Variants in MRPL48 observed in about 807,000 individuals in gnomAD.
The protein encoded by MRPL48 is large ribosomal subunit protein mL48.
In MRPL48, 16 loss-of-function variants were observed where a neutral mutation model predicts 32.9. The ratio of observed to expected loss-of-function variants is 0.49; its 90% CI spans 0.33 to 0.74. The LOEUF is 0.74. Among genes scored for constraint, MRPL48 ranks in the 30% least tolerant of loss-of-function variants. MRPL48 has a pLI of 0.02. For synonymous variants in MRPL48, 94 were observed against 89.2 expected, an observed-to-expected ratio of 1.05 and a Z score of -0.31; for missense variants, 206 against 245.3, an observed-to-expected ratio of 0.84 and a Z score of 1.07.
chr11:73,825,772 C>T lies in MRPL48; in HGVS notation c.177C>T (p.Tyr59=), dbSNP rs868563513. Residue 59 remains tyrosine (Y), a synonymous_variant, in exon 4 of 8, where the codon TAC becomes TAT. Transcript: ENST00000310614. ...AGCCCACCCACGGCATTGGAAAGTA[C>T]AAGCACTTAATTAAAGCAGAAGAGG... is the stretch of plus-strand genomic sequence containing the variant. ...KTKPTHGIGK[Y]KHLIKAEEPK... 2 of 1,567,108 alleles carry T rather than the reference C, an allele frequency of 1.3e-6. No homozygotes were observed. The highest frequency in any genetic ancestry group is 1.9e-5 in the Admixed American group (1 of 52,596).
chr11:73,835,875 G>A (rs1590980235), intron 4 of MRPL48, among the ~76,000 whole-genome samples: 1 of 152,116 alleles, frequency 6.6e-6, no homozygotes, highest in African/African-American at 2.4e-5. Flanking sequence ...CCTAGCCTGA[G>A]TGACAGAGTG....
chr11:73,790,259 C>T (rs1488456162), intron 1 of MRPL48, among the ~76,000 whole-genome samples: 2 of 149,824 alleles, frequency 1.3e-5, no homozygotes, highest in Admixed American at 6.7e-5. Flanking sequence ...TTAATAGAGA[C>T]GGGGTTTCAC....
chr11:73,790,701 AT>A (rs1258929416), intron 1 of MRPL48, among the ~76,000 whole-genome samples: 1 of 150,214 alleles, frequency 6.7e-6, no homozygotes, highest in Admixed American at 6.7e-5. Context: ...TAATTTTTTT[AT>A]TTTTAGTAGA....
At chr11:73,863,621 G>A (rs1948621484) in intron 7 of MRPL48, among the ~76,000 whole-genome samples, 1 of 152,204 alleles carries the variant, frequency 6.6e-6, no homozygotes, top group African/African-American at 2.4e-5. Flanking sequence ...ATATATGTTA[G>A]AGAAAAGGTT....
At chr11:73,853,538 C>T (rs1054356918) in intron 5 of MRPL48, among the ~76,000 whole-genome samples, 6 of 152,112 alleles carry the variant, frequency 3.9e-5, no homozygotes, top group Non-Finnish European at 5.9e-5. Flanking sequence ...TTTTCTGTTT[C>T]TTTGAGCTCT....
chr11:73,803,131 A>G (rs1472498758), intron 1 of MRPL48, among the ~76,000 whole-genome samples: 1 of 151,950 alleles, frequency 6.6e-6, no homozygotes, highest in African/African-American at 2.4e-5. Context: ...AGTGTGATTT[A>G]TTTATTTATT....
chr11:73,821,145 C>A (rs1054234828), intron 3 of MRPL48, among the ~76,000 whole-genome samples: 7 of 152,130 alleles, frequency 4.6e-5, no homozygotes, highest in Non-Finnish European at 8.8e-5. Flanking sequence ...GCACATGCCA[C>A]CATGCCCAGC....
Position 73,845,553 on chromosome 11 carries a change from A to G in MRPL48, c.371+577A>G, listed in dbSNP as rs140663320. Reference sequence around the variant, plus strand: ...TTTGGGAGGCTAAGGTGGGAGGATCACTTGATCCCAGGAGTTTGAGACCTG... The same window carrying G: ...TTTGGGAGGCTAAGGTGGGAGGATCGCTTGATCCCAGGAGTTTGAGACCTG... On this transcript the variant is annotated intron_variant, in intron 5 of 7. Coordinates refer to ENST00000310614, the MANE Select transcript of MRPL48 (RefSeq NM_016055.6). 5.4e-3 allele frequency among the ~76,000 whole-genome samples: 819 copies of G among 152,270 alleles called. 8 individuals are homozygous for G. The highest frequency in any genetic ancestry group is 0.018 in the African/African-American group (742 of 41,560).
chr11:73,853,248 G>C (rs1335879774), intron 5 of MRPL48, among the ~76,000 whole-genome samples: 1 of 152,062 alleles, frequency 6.6e-6, no homozygotes, highest in African/African-American at 2.4e-5. Flanking sequence ...GAGTATAGTT[G>C]GATTGTTTGT....
chr11:73,848,375 A>C (rs1159885928), intron 5 of MRPL48, among the ~76,000 whole-genome samples: 1 of 151,752 alleles, frequency 6.6e-6, no homozygotes, highest in Non-Finnish European at 1.5e-5. Context: ...TTGATTACCA[A>C]CTCTAACTTT....
intron 5 of MRPL48, among the ~76,000 whole-genome samples, chr11:73,856,625 C>T (rs1015316437): frequency 1.3e-5 from 2 of 152,202 alleles, no homozygotes; most frequent in Non-Finnish European, 2.9e-5. Context: ...CTCAGCATCA[C>T]TCACTATGAG....
intron 1 of MRPL48, among the ~76,000 whole-genome samples, chr11:73,793,991 G>A (rs7924705): frequency 0.14 from 21,490 of 150,964 alleles, 1,594 homozygotes; most frequent in African/African-American, 0.16. Context: ...ACAGACGTGA[G>A]CCACCACGCC....
intron 1 of MRPL48, among the ~76,000 whole-genome samples, chr11:73,802,724 G>C (rs1947381543): frequency 6.6e-6 from 1 of 150,582 alleles, no homozygotes; most frequent in East Asian, 1.9e-4. Context: ...CTTGAGACAG[G>C]GTCTCATTCT....
intron 4 of MRPL48, among the ~76,000 whole-genome samples, chr11:73,843,856 A>C (rs1948235913): frequency 6.6e-6 from 1 of 152,108 alleles, no homozygotes. Flanking sequence ...AGGTGGGTGA[A>C]TCACCTGAGG....
At chr11:73,788,472 CTTTTTTTTT>C (rs11352308) in intron 1 of MRPL48, among the ~76,000 whole-genome samples, 2 of 109,640 alleles carry the variant, frequency 1.8e-5, no homozygotes, top group East Asian at 2.5e-4. Flanking sequence ...TCTTTTCTTT[CTTTTTTTTT>C]TTTTTTTTTT....
chr11:73,792,682 C>G (rs982853699), intron 1 of MRPL48, among the ~76,000 whole-genome samples: 13 of 152,164 alleles, frequency 8.5e-5, no homozygotes, highest in Non-Finnish European at 1.0e-4. Context: ...TTGGCTATTT[C>G]CTGGTCACCA....
chr11:73,797,771 C>A (rs926488874), intron 1 of MRPL48, among the ~76,000 whole-genome samples: 2 of 152,166 alleles, frequency 1.3e-5, no homozygotes, highest in African/African-American at 4.8e-5. Context: ...CCTGCCAAGA[C>A]AAGTGGGTGA....
chr11:73,793,318 G>T (rs1044454613), intron 1 of MRPL48, among the ~76,000 whole-genome samples: 4 of 152,170 alleles, frequency 2.6e-5, no homozygotes, highest in African/African-American at 9.7e-5. Context: ...GCCCACCTTG[G>T]CCTCCCAAAG....
chr11:73,863,128 T>G (rs1476940563), intron 6 of MRPL48, 44 bp from the exon 7 acceptor site: 1 of 1,524,680 alleles, frequency 6.6e-7, no homozygotes. Context: ...TTACCTCGTT[T>G]TCAGCTCCTC....
Sources: gnomAD v4.1 joint callset for allele counts (sites outside exome capture counted in the v4.1 genomes callset) on GRCh38, gnomAD v4.1.1 for gene constraint, MANE v1.5 for transcripts, NCBI Gene and HGNC (gene_info 2026-07-23, HGNC 2026-07-21) for gene names.